The following TP63 variants were observed in gnomAD, a reference collection of about 807,000 sequenced individuals.
The protein encoded by TP63 is tumor protein p63, also known as tumor protein 63.
A neutral mutation model predicts 82.8 loss-of-function variants in TP63; 17 were observed. The observed-to-expected ratio is 0.21, with a 90% CI of 0.14 to 0.31. The LOEUF (loss-of-function observed/expected upper bound fraction) is 0.31. TP63 is among the 10% of genes least tolerant of loss of function. The probability of loss-of-function intolerance (pLI) is 1.00; values close to 1 mark genes in which losing one functional copy is unlikely to be tolerated. For synonymous variants in TP63, 330 were observed against 321.7 expected, an observed-to-expected ratio of 1.03 and a Z score of -0.28; for missense variants, 648 against 895.3, an observed-to-expected ratio of 0.72 and a Z score of 3.52.
intron 4 of TP63, among the ~76,000 whole-genome samples, chr3:189,821,815 A>C (rs1728823402): frequency 6.6e-6 from 1 of 152,200 alleles, no homozygotes; most frequent in South Asian, 2.1e-4. Flanking sequence ...TGTCCCCTTA[A>C]CTGCTAATTA....
intron 11 of TP63, 100 bp from the exon 12 acceptor site, chr3:189,889,240 T>A (rs1720767945): frequency 6.4e-7 from 1 of 1,553,146 alleles, no homozygotes; most frequent in Admixed American, 1.7e-5. Flanking sequence ...AGGCTGGTAG[T>A]TTAGGCCCTT....
rs1440686909 is a variant in TP63 at position 189,894,484 on chromosome 3, C to T, written c.2025C>T (p.Ile675=). ...CTCGCCGCAATAAGCAACAGCGCAT[C>T]AAAGAGGAGGGGGAGTGAGCCTCAC... ...MDARRNKQQR[I]KEEGE The change falls in exon 14 of 14, where the codon ATC becomes ATT. Residue 675 remains isoleucine, a synonymous_variant. Coordinates refer to ENST00000264731, the MANE Select transcript of TP63 (RefSeq NM_003722.5). The T allele has an allele frequency of 6.2e-7, 1 of 1,613,556 alleles. No homozygotes were observed. The highest frequency in any genetic ancestry group is 1.3e-5 in the African/African-American group (1 of 74,916).
At chr3:189,821,357 A>G (rs1354351073) in intron 4 of TP63, among the ~76,000 whole-genome samples, 1 of 152,166 alleles carries the variant, frequency 6.6e-6, no homozygotes, top group Non-Finnish European at 1.5e-5. Flanking sequence ...TCCTGCATTC[A>G]TACTGTTTGC....
intron 3 of TP63, among the ~76,000 whole-genome samples, chr3:189,792,778 A>G (rs936314947): frequency 2.6e-5 from 4 of 152,012 alleles, no homozygotes; most frequent in African/African-American, 7.2e-5. Context: ...TCCATGAAGA[A>G]CAGTTGTACA....
chr3:189,626,236 T>C, the TP63 span, among the ~76,000 whole-genome samples: 9 of 152,188 alleles, frequency 5.9e-5, no homozygotes, highest in Admixed American at 4.6e-4. Flanking sequence ...TGACAGAACT[T>C]TGGCTTCCAC....
chr3:189,808,828 A>C (rs1048267314), intron 4 of TP63, among the ~76,000 whole-genome samples: 7 of 152,210 alleles, frequency 4.6e-5, no homozygotes, highest in African/African-American at 1.7e-4. Flanking sequence ...CTGTGCCAAC[A>C]AGAAGTATCA....
the TP63 span, among the ~76,000 whole-genome samples, chr3:189,612,136 C>A: frequency 6.6e-6 from 1 of 151,992 alleles, no homozygotes; most frequent in Non-Finnish European, 1.5e-5. Context: ...TCGTGCCTAA[C>A]GGACTGTATC....
intron 1 of TP63, among the ~76,000 whole-genome samples, chr3:189,680,035 C>A (rs1279348653): frequency 6.6e-6 from 1 of 152,036 alleles, no homozygotes; most frequent in African/African-American, 2.4e-5. Flanking sequence ...AATGTGATGT[C>A]TCCAGCTTTG....
chr3:189,637,288 T>C (rs1010686755), intron 1 of TP63, among the ~76,000 whole-genome samples: 1 of 152,076 alleles, frequency 6.6e-6, no homozygotes, highest in Non-Finnish European at 1.5e-5. Flanking sequence ...GGAAAAGACG[T>C]TAAACAAAAC....
chr3:189,682,544 A>G (rs1252388591), intron 1 of TP63, among the ~76,000 whole-genome samples: 11 of 27,504 alleles, frequency 4.0e-4, no homozygotes, highest in African/African-American at 1.2e-3. Context: ...GGGAAAAAAA[A>G]AAAAAAAAAA....
At chr3:189,849,532 T>C (rs1407230257) in intron 4 of TP63, among the ~76,000 whole-genome samples, 1 of 152,132 alleles carries the variant, frequency 6.6e-6, no homozygotes, top group East Asian at 1.9e-4. Flanking sequence ...TGATTGTTGC[T>C]GTGGTAATGT....
intron 4 of TP63, among the ~76,000 whole-genome samples, chr3:189,857,045 A>G (rs9848905): frequency 0.053 from 8,057 of 152,150 alleles, 677 homozygotes; most frequent in African/African-American, 0.18. Flanking sequence ...TGTATGGAAA[A>G]ATCAAAGGAT....
chr3:189,628,739 T>C (rs1244695949), upstream of TP63, among the ~76,000 whole-genome samples: 1 of 152,110 alleles, frequency 6.6e-6, no homozygotes, highest in Non-Finnish European at 1.5e-5. Flanking sequence ...GTAACCTTAG[T>C]CCCCTAAGAG....
At chr3:189,757,493 C>G (rs964485420) in intron 3 of TP63, among the ~76,000 whole-genome samples, 4 of 152,176 alleles carry the variant, frequency 2.6e-5, no homozygotes, top group Non-Finnish European at 5.9e-5. Context: ...GTTAGCATAA[C>G]ACACTGCCTG....
At chr3:189,690,836 A>G (rs1716858210) in intron 1 of TP63, among the ~76,000 whole-genome samples, 1 of 152,108 alleles carries the variant, frequency 6.6e-6, no homozygotes, top group Non-Finnish European at 1.5e-5. Context: ...TTGCCTTTTC[A>G]GTTAGACTTG....
chr3:189,615,488 G>T, the TP63 span, among the ~76,000 whole-genome samples: 3 of 152,138 alleles, frequency 2.0e-5, no homozygotes, highest in African/African-American at 7.2e-5. Flanking sequence ...ATAATTTTGT[G>T]TGTTTGGTCT....
rs554676819 is a variant in TP63, at chr3:189,839,735, A to G, written c.580-24497A>G. 6.6e-5 allele frequency among the ~76,000 whole-genome samples: 10 copies of G among 152,298 alleles called. No individual in the cohort carries two copies. In the South Asian group the frequency reaches 1.2e-3, roughly 19 times the overall value. On this transcript the variant is annotated intron_variant, in intron 4 of 13. Coordinates refer to ENST00000264731, the MANE Select transcript of TP63 (RefSeq NM_003722.5). ...GCTGTTCATCAGGCATTTACCCTGG[A>G]CCAAGCACTGTACCCTGAATATCAT...
chr3:189,758,215 C>T lies in TP63; in HGVS notation c.324+19441C>T, dbSNP rs370743525. 3.9e-4 allele frequency among the ~76,000 whole-genome samples: 60 copies of T among 152,290 alleles called. 3 individuals are homozygous for T. In the South Asian group the frequency reaches 4.8e-3, roughly 12 times the overall value. On this transcript the variant is annotated intron_variant, in intron 3 of 13. Transcript: ENST00000264731. ...CACGTGAGCAGTTCACAACAGGGTTCGTGCTCCTATGAGGATCTAATGCCC... is the reference window on the plus strand; with the variant it reads ...CACGTGAGCAGTTCACAACAGGGTTTGTGCTCCTATGAGGATCTAATGCCC...
At chr3:189,892,407 G>A (rs1007455222) in intron 13 of TP63, among the ~76,000 whole-genome samples, 4 of 152,096 alleles carry the variant, frequency 2.6e-5, no homozygotes, top group African/African-American at 9.7e-5. Context: ...TCCATCCAGG[G>A]CATCATGACA....
Sources: allele counts gnomAD v4.1 joint callset (sites outside exome capture counted in the v4.1 genomes callset), GRCh38; gene constraint gnomAD v4.1.1; transcripts MANE v1.5; gene names NCBI Gene and HGNC (gene_info 2026-07-23, HGNC 2026-07-21).